Variants in CEACAM20 observed in about 807,000 individuals in gnomAD.
The protein encoded by CEACAM20 is cell adhesion molecule CEACAM20.
A neutral mutation model predicts 61.2 loss-of-function variants in CEACAM20; 50 were observed. The ratio of observed to expected loss-of-function variants is 0.82; its 90% confidence interval spans 0.65 to 1.03. CEACAM20 has a LOEUF of 1.03. CEACAM20 is among the 50% of genes least tolerant of loss of function. The pLI, the probability that CEACAM20 is intolerant of heterozygous loss-of-function variation, is 0.00. For missense variants in CEACAM20, 683 were observed against 736.4 expected (o/e 0.93, Z 0.84); for synonymous variants, 282 against 287.7 (o/e 0.98, Z 0.20).
intron 6 of CEACAM20, among the ~76,000 whole-genome samples, chr19:44,514,426 A>G (rs1971095904): frequency 6.6e-6 from 1 of 150,492 alleles, no homozygotes; most frequent in Non-Finnish European, 1.5e-5. Context: ...TGCTTCAGGG[A>G]TTCTTAGGTT....
At chr19:44,525,277 GA>G (rs778448142) in intron 1 of CEACAM20, 33 bp from the exon 2 acceptor site, 1 of 1,549,084 alleles carries the variant, frequency 6.5e-7, no homozygotes, top group Non-Finnish European at 8.7e-7. Context: ...TTCAGGGAGG[GA>G]GAGGTGTGTT....
chr19:44,511,909 C>T, intron 9 of CEACAM20, 108 bp downstream of exon 9: 1 of 1,122,784 alleles, frequency 8.9e-7, no homozygotes, highest in Admixed American at 2.1e-5. Context: ...GAGACTTAAC[C>T]TGGCACTGGG....
chr19:44,508,522 T>C lies in CEACAM20; in HGVS notation c.1738-2308A>G, dbSNP rs560365059. Among the ~76,000 whole-genome samples the C allele has an allele frequency of 2.0e-4, 30 of 152,304 alleles. 1 individual carries two copies. The South Asian group carries it at 5.0e-3, about 25-fold the overall frequency. The stretch of plus-strand genomic sequence containing the variant: ...CTTCTGCCTCAGCCTCCCAAGTAGC[T>C]GGGATTACAGGTGCCTGCCACCATG... On this transcript the variant is annotated intron_variant, in intron 11 of 11. Coordinates refer to ENST00000614924, the MANE Select transcript of CEACAM20 (RefSeq NM_001102597.3).
At chr19:44,515,218 AATGATGATGATGATGATG>A (rs59294881) in intron 6 of CEACAM20, among the ~76,000 whole-genome samples, 5 of 149,106 alleles carry the variant, frequency 3.4e-5, no homozygotes, top group East Asian at 2.0e-4. Context: ...ATGCTTGACA[AATGATGATGATGATGATG>A]ATGATGATGA....
intron 2 of CEACAM20, 83 bp from the exon 3 acceptor site, chr19:44,524,344 A>G: frequency 1.4e-6 from 2 of 1,436,402 alleles, no homozygotes; most frequent in Non-Finnish European, 1.9e-6. Context: ...GACCCAGAGA[A>G]ACAGGACTAG....
chr19:44,510,820 T>C (rs1331099010), intron 11 of CEACAM20, among the ~76,000 whole-genome samples: 27 of 151,938 alleles, frequency 1.8e-4, no homozygotes, highest in Admixed American at 1.8e-3. Flanking sequence ...GAGTGAAACA[T>C]GGAATGCAAT....
chr19:44,521,617 G>A (rs1022091293), intron 4 of CEACAM20, among the ~76,000 whole-genome samples: 2 of 151,876 alleles, frequency 1.3e-5, no homozygotes, highest in Non-Finnish European at 2.9e-5. Flanking sequence ...TTGTGTGTAT[G>A]TGCTATGGGT....
At chr19:44,526,822 C>T (rs946792860) in intron 1 of CEACAM20, among the ~76,000 whole-genome samples, 17 of 147,200 alleles carry the variant, frequency 1.2e-4, no homozygotes, top group Non-Finnish European at 2.4e-4. Flanking sequence ...TGTCGTGAGC[C>T]GAGATTGTGC....
chr19:44,512,849 C>T lies in CEACAM20; in HGVS notation c.1513+19G>A, dbSNP rs1971041007. On this transcript the variant is annotated intron_variant, in intron 8 of 11. Coordinates refer to ENST00000614924, the MANE Select transcript of CEACAM20 (RefSeq NM_001102597.3). ...CCCTCACCCCTGCCCCAGGCATCAG[C>T]CACCATAGAGTCACTTACCGGAACT... 6.2e-7 allele frequency: 1 copy of T among 1,606,432 alleles called. No homozygotes were observed. The highest frequency in any genetic ancestry group is 8.5e-7 in the Non-Finnish European group (1 of 1,173,904).
intron 11 of CEACAM20, among the ~76,000 whole-genome samples, chr19:44,510,543 GGAAGGAAAGAAAGAAA>G (rs201958075): frequency 2.0e-5 from 1 of 48,978 alleles, no homozygotes; most frequent in East Asian, 8.7e-4. Context: ...AAGGAAGGAA[GGAAGGAAAGAAAGAAA>G]GAAAGAAAGA....
intron 11 of CEACAM20, among the ~76,000 whole-genome samples, chr19:44,509,423 T>A (rs1970909676): frequency 6.8e-6 from 1 of 147,254 alleles, no homozygotes. Flanking sequence ...TGAAATGAAA[T>A]GAAACTGAAA....
intron 4 of CEACAM20, among the ~76,000 whole-genome samples, chr19:44,522,271 T>C (rs1052662049): frequency 8.6e-5 from 13 of 151,958 alleles, no homozygotes; most frequent in Non-Finnish European, 1.9e-4. Flanking sequence ...ACCTGGCTAA[T>C]TTTTTGTATT....
chr19:44,522,109 AT>A lies in CEACAM20; in HGVS notation c.751+524del, dbSNP rs796257978. ...TTGGTGTAGCTCACTGGCTCTTAAG[AT>A]TTTTTTTTTTTTTAGACAGAGTCTT... On this transcript the variant is annotated intron_variant, in intron 4 of 11. Coordinates refer to ENST00000614924, the MANE Select transcript of CEACAM20 (RefSeq NM_001102597.3). Among the ~76,000 whole-genome samples, 1,058 of 141,656 alleles carry A rather than the reference AT, an allele frequency of 7.5e-3. 3 individuals are homozygous for A. Among genetic ancestry groups the A allele is most frequent in the African/African-American group, 0.018 (684 of 38,740 alleles). 92.9% of individuals were successfully genotyped at this position (141,656 alleles called of 152,430 possible).
At chr19:44,525,440 GTGTTTT>G (rs760281989) in intron 1 of CEACAM20, among the ~76,000 whole-genome samples, 196 bp from the exon 2 acceptor site, 3 of 151,968 alleles carry the variant, frequency 2.0e-5, no homozygotes, top group East Asian at 1.9e-4. Flanking sequence ...GTTTGTGTAT[GTGTTTT>G]TGTTTTTGTT....
Position 44,511,102 on chromosome 19 carries a change from T to C in CEACAM20, c.1665A>G (p.Pro555=). The C allele has an allele frequency of 1.2e-6, 2 of 1,613,950 alleles. No individual in the cohort carries two copies. The highest frequency in any genetic ancestry group is 1.3e-5 in the African/African-American group (1 of 75,026). ...RRGNSFSPWK[P]PPKPLMPPLR... ...GTGGGGGCATCAGAGGTTTGGGTGG[T>C]GGCTTCCAGGGGCTGAAAGAATTGC... Residue 555 remains proline, a synonymous_variant, in exon 11 of 12, where the codon CCA becomes CCG. Coordinates refer to ENST00000614924, the MANE Select transcript of CEACAM20 (RefSeq NM_001102597.3).
chr19:44,525,514 CTCACTGCAA>C (rs1196878065), intron 1 of CEACAM20, among the ~76,000 whole-genome samples: 6 of 152,194 alleles, frequency 3.9e-5, no homozygotes, highest in Admixed American at 6.5e-5. Context: ...GCAATCTCAG[CTCACTGCAA>C]TCACTGCCTC....
intron 1 of CEACAM20, 100 bp downstream of exon 1, chr19:44,529,354 GCACA>G (rs71940010): frequency 0.3 from 194,814 of 652,708 alleles, 11,156 homozygotes; most frequent in Middle Eastern, 0.37. Context: ...TTCCTCGAGT[GCACA>G]CACACACACA....
intron 6 of CEACAM20, 129 bp from the exon 7 acceptor site, chr19:44,513,418 T>G: frequency 1.7e-6 from 1 of 604,130 alleles, no homozygotes; most frequent in Non-Finnish European, 2.9e-6. Flanking sequence ...CGTTGGGAGG[T>G]ATCAGATTGT....
chr19:44,517,696 CAAA>C (rs1165418272), intron 5 of CEACAM20, among the ~76,000 whole-genome samples: 4 of 65,964 alleles, frequency 6.1e-5, no homozygotes, highest in Admixed American at 1.7e-4. Context: ...GATTCCATCT[CAAA>C]AAAAAAAAAA....
Sources: allele counts gnomAD v4.1 joint callset (sites outside exome capture counted in the v4.1 genomes callset), GRCh38; gene constraint gnomAD v4.1.1; transcripts MANE v1.5; gene names NCBI Gene and HGNC (gene_info 2026-07-23, HGNC 2026-07-21).